Variants in APMAP observed in about 807,000 individuals in gnomAD.
APMAP encodes adipocyte plasma membrane-associated protein.
Under a neutral mutation model 43.6 loss-of-function variants are expected in APMAP, and 33 were observed. The observed-to-expected ratio is 0.76, with a 90% CI of 0.57 to 1.01. APMAP has a LOEUF of 1.01. Among genes scored for constraint, APMAP ranks in the 50% least tolerant of loss-of-function variants. APMAP has a pLI of 0.00. For synonymous variants in APMAP, 224 were observed against 216.7 expected, an observed-to-expected ratio of 1.03 and a Z score of -0.30; for missense variants, 498 against 540.7, an observed-to-expected ratio of 0.92 and a Z score of 0.78.
At chr20:24,971,910 T>C (rs1362276929) in intron 4 of APMAP, among the ~76,000 whole-genome samples, 1 of 150,612 alleles carries the variant, frequency 6.6e-6, no homozygotes, top group Non-Finnish European at 1.5e-5. Flanking sequence ...TGCAGGTGCT[T>C]ATTGCAGGGT....
At chr20:24,980,529 C>A (rs1049221892) in intron 2 of APMAP, among the ~76,000 whole-genome samples, 17 of 151,628 alleles carry the variant, frequency 1.1e-4, no homozygotes. Context: ...CGCGGGGCCA[C>A]CATGGTCAAG....
At chr20:24,971,743 G>A (rs1436391207) in intron 4 of APMAP, among the ~76,000 whole-genome samples, 167 bp from the exon 5 acceptor site, 1 of 152,226 alleles carries the variant, frequency 6.6e-6, no homozygotes, top group African/African-American at 2.4e-5. Flanking sequence ...CACTGCAGGT[G>A]CTTATTGCAA....
At chr20:24,979,807 T>C (rs1204768600) in intron 2 of APMAP, among the ~76,000 whole-genome samples, 2 of 151,886 alleles carry the variant, frequency 1.3e-5, no homozygotes, top group Admixed American at 6.6e-5. Context: ...TCTTGCCCCC[T>C]CTCTCCCTTG....
At chr20:24,975,124 C>T (rs2088039765) in intron 3 of APMAP, among the ~76,000 whole-genome samples, 1 of 152,126 alleles carries the variant, frequency 6.6e-6, no homozygotes, top group South Asian at 2.1e-4. Flanking sequence ...AAGAACAAGG[C>T]AAAGATGCCC....
At chr20:24,979,118 TGAGA>T (rs899704982) in intron 2 of APMAP, among the ~76,000 whole-genome samples, 5 of 152,222 alleles carry the variant, frequency 3.3e-5, no homozygotes, top group African/African-American at 1.2e-4. Flanking sequence ...TCTTGTCACC[TGAGA>T]GCATCCTGAG....
chr20:24,978,743 C>T (rs753222326), intron 3 of APMAP, 24 bp downstream of exon 3: 1 of 1,269,464 alleles, frequency 7.9e-7, no homozygotes, highest in South Asian at 1.2e-5. Flanking sequence ...GGAAGGCTCC[C>T]CCCCCACCCA....
chr20:24,969,038 C>A lies in APMAP; in HGVS notation c.895G>T (p.Glu299Ter). 6.2e-7 allele frequency: 1 copy of A among 1,613,830 alleles called. No homozygotes were observed. The highest frequency in any genetic ancestry group is 8.5e-7 in the Non-Finnish European group (1 of 1,179,934). ...LMKGGADLFV[E>*]NMPGFPDNIR... ...TTGTCTGGAAATCCAGGCATGTTCTCCACAAACAGATCAGCCCCGCCCTTC... is the reference window on the plus strand; with the variant it reads ...TTGTCTGGAAATCCAGGCATGTTCTACACAAACAGATCAGCCCCGCCCTTC... The change falls in exon 8 of 9, where the codon GAG (glutamate) becomes TAG (stop). Residue 299 changes from glutamate to a stop codon, truncating the protein, a stop_gained. Transcript: ENST00000217456. LOFTEE classifies it high-confidence loss of function.
chr20:24,982,842 C>T (rs769410101), intron 2 of APMAP, among the ~76,000 whole-genome samples: 3 of 151,602 alleles, frequency 2.0e-5, no homozygotes, highest in Non-Finnish European at 4.4e-5. Context: ...CCCCCCCCCG[C>T]CACCCACCCC....
intron 5 of APMAP, among the ~76,000 whole-genome samples, chr20:24,970,878 C>T (rs1022375681): frequency 6.6e-6 from 1 of 152,150 alleles, no homozygotes; most frequent in African/African-American, 2.4e-5. Flanking sequence ...AACTAAGGGA[C>T]CTGCAGTCAC....
intron 8 of APMAP, among the ~76,000 whole-genome samples, chr20:24,967,711 C>A (rs191234174): frequency 2.1e-4 from 32 of 152,326 alleles, no homozygotes; most frequent in Admixed American, 7.8e-4. Flanking sequence ...AGACAGAGCA[C>A]CTGAGGCAGC....
At chr20:24,986,060 T>A (rs776799053) in intron 1 of APMAP, among the ~76,000 whole-genome samples, 3 of 152,202 alleles carry the variant, frequency 2.0e-5, no homozygotes, top group Admixed American at 6.5e-5. Context: ...CAGCACAGTG[T>A]TGAAGGCAAG....
At chr20:24,971,753 A>G (rs1195728119) in intron 4 of APMAP, among the ~76,000 whole-genome samples, 177 bp from the exon 5 acceptor site, 3 of 145,830 alleles carry the variant, frequency 2.1e-5, no homozygotes, top group South Asian at 2.2e-4. Flanking sequence ...GCTTATTGCA[A>G]GGTGTTCATT....
At chr20:24,973,163 A>C (rs1246993531) in intron 4 of APMAP, among the ~76,000 whole-genome samples, 1 of 152,228 alleles carries the variant, frequency 6.6e-6, no homozygotes, top group Non-Finnish European at 1.5e-5. Flanking sequence ...ATAGACTATC[A>C]GTTTTAAACA....
rs927414231 is a variant in APMAP at position 24,962,991 on chromosome 20, T to A, written c.*822A>T. 2 of 152,246 alleles carry A rather than the reference T, an allele frequency of 1.3e-5. No homozygotes were observed. Among genetic ancestry groups the A allele is most frequent in the African/African-American group, 2.4e-5 (1 of 41,460 alleles). The allele number at this position is 152,246 out of a possible 1,614,324, so 9.4% of individuals were successfully genotyped here. On this transcript the variant is annotated 3_prime_UTR_variant, in exon 9 of 9. Transcript: ENST00000217456. Reference sequence around the variant, plus strand: ...CAAAATCATGACCAGTGTGTAGACATACTTGTGAAAATATACAGCAACTTG... The same window carrying A: ...CAAAATCATGACCAGTGTGTAGACAAACTTGTGAAAATATACAGCAACTTG...
intron 4 of APMAP, among the ~76,000 whole-genome samples, chr20:24,972,502 G>T (rs984366139): frequency 6.7e-6 from 1 of 150,210 alleles, no homozygotes; most frequent in African/African-American, 2.5e-5. Context: ...TTACTGCAGG[G>T]AGTTCACTGT....
chr20:24,969,413 C>T, intron 7 of APMAP, 113 bp downstream of exon 7: 4 of 1,443,978 alleles, frequency 2.8e-6, no homozygotes, highest in Non-Finnish European at 3.7e-6. Flanking sequence ...ACATGCCATG[C>T]AGAAGGTGCG....
intron 1 of APMAP, among the ~76,000 whole-genome samples, chr20:24,984,934 T>C (rs1027018238): frequency 6.6e-6 from 1 of 152,178 alleles, no homozygotes; most frequent in South Asian, 2.1e-4. Context: ...GTTCCTAAGG[T>C]AGAATTTTTT....
intron 7 of APMAP, 107 bp from the exon 8 acceptor site, chr20:24,969,191 T>G: frequency 8.7e-7 from 1 of 1,149,612 alleles, no homozygotes; most frequent in South Asian, 1.7e-5. Flanking sequence ...ATATGGAAAG[T>G]GCTCTATGAC....
intron 1 of APMAP, among the ~76,000 whole-genome samples, chr20:24,987,321 G>A (rs1361482715): frequency 1.3e-5 from 2 of 152,174 alleles, no homozygotes; most frequent in Non-Finnish European, 2.9e-5. Context: ...AAAACATCTT[G>A]CTACATTGTC....
Sources: allele counts gnomAD v4.1 joint callset (sites outside exome capture counted in the v4.1 genomes callset), GRCh38; gene constraint gnomAD v4.1.1; transcripts MANE v1.5; gene names NCBI Gene and HGNC (gene_info 2026-07-23, HGNC 2026-07-21).